Variants in DGKB observed in about 807,000 individuals in gnomAD.
DGKB encodes the protein 90 kDa diacylglycerol kinase.
DGKB carries 67 observed loss-of-function variants against 114.3 expected under a neutral mutation model. The observed-to-expected ratio is 0.59, with a 90% CI of 0.48 to 0.72. The LOEUF is 0.72. Ranked by LOEUF, DGKB falls within the 30% of genes least tolerant of loss-of-function variation. The pLI is 0.00. For synonymous variants in DGKB, 398 were observed against 323.1 expected (o/e 1.23, Z -2.49); for missense variants, 907 against 975.2 (o/e 0.93, Z 0.93).
At chr7:14,774,772 A>G (rs1837912433) in intron 2 of DGKB, among the ~76,000 whole-genome samples, 1 of 152,160 alleles carries the variant, frequency 6.6e-6, no homozygotes, top group African/African-American at 2.4e-5. Context: ...TTAAAAAACA[A>G]TGTGTTATTG....
chr7:14,566,437 T>C (rs1247103126), intron 20 of DGKB, among the ~76,000 whole-genome samples: 2 of 152,204 alleles, frequency 1.3e-5, no homozygotes, highest in African/African-American at 4.8e-5. Context: ...GCCAATTCAA[T>C]TATATTTATA....
chr7:14,516,196 T>C lies in DGKB; in HGVS notation c.1771-37971A>G, dbSNP rs144160066. Among the ~76,000 whole-genome samples, 597 of 152,300 alleles carry C rather than the reference T, an allele frequency of 3.9e-3. 8 individuals are homozygous for C. The highest frequency in any genetic ancestry group is 0.01 in the East Asian group (54 of 5,182). ...TTCATATCTCAAGTAAACTAAACAA[T>C]GTATTACTCTAGTTATGAGTAATAT... On this transcript the variant is annotated intron_variant, in intron 20 of 25. Coordinates refer to ENST00000402815, the MANE Select transcript of DGKB (RefSeq NM_001350709.2).
chr7:14,278,046 T>C lies in DGKB; in HGVS notation c.2122+60469A>G, dbSNP rs569535172. The stretch of plus-strand genomic sequence containing the variant: ...AATGCTGAGAATGTTCTTTGTGAAT[T>C]TGTTGGTCATTTGTATGTCTTCTTT... On this transcript the variant is annotated intron_variant, in intron 23 of 25. Transcript: ENST00000402815. Among the ~76,000 whole-genome samples, 80 of 152,358 alleles carry C rather than the reference T, an allele frequency of 5.3e-4. 1 individual carries two copies. Among genetic ancestry groups the C allele is most frequent in the Non-Finnish European group, 2.1e-4 (14 of 68,038 alleles).
At chr7:14,731,724 A>G (rs886313185) in intron 5 of DGKB, among the ~76,000 whole-genome samples, 1 of 152,138 alleles carries the variant, frequency 6.6e-6, no homozygotes. Context: ...AAAGATTCCA[A>G]CTGATTTTAA....
intron 21 of DGKB, among the ~76,000 whole-genome samples, chr7:14,477,660 T>C (rs576538495): frequency 6.6e-6 from 1 of 152,192 alleles, no homozygotes; most frequent in Non-Finnish European, 1.5e-5. Flanking sequence ...GTTCGTCAAG[T>C]CTTTTCTCCT....
At chr7:14,352,398 T>C (rs1367654894) in intron 21 of DGKB, among the ~76,000 whole-genome samples, 1 of 152,190 alleles carries the variant, frequency 6.6e-6, no homozygotes, top group Non-Finnish European at 1.5e-5. Flanking sequence ...AATTATTTCT[T>C]ACCTAAATGT....
At position 14,580,863 on chromosome 7, in the gene DGKB, T is replaced by G. The variant is rs1204470658; in HGVS notation, c.1608A>C (p.Gly536=). ...CTTTTGTTGTTGCAGCTGCTTTACCTCCTCCCCATCGCAGGCATCTTGCTA... is the reference window on the plus strand; with the variant it reads ...CTTTTGTTGTTGCAGCTGCTTTACCGCCTCCCCATCGCAGGCATCTTGCTA... ...NDLARCLRWG[G]GYEGENLMKI... Residue 536 remains glycine, a splice_region_variant and synonymous_variant, in exon 19 of 26, where the codon GGA becomes GGC. Transcript: ENST00000402815. The G allele has an allele frequency of 6.2e-7, 1 of 1,601,502 alleles. No individual in the cohort carries two copies. Among genetic ancestry groups the G allele is most frequent in the Admixed American group, 1.7e-5 (1 of 59,638 alleles).
chr7:14,667,823 G>A (rs1362249011), intron 13 of DGKB, among the ~76,000 whole-genome samples: 1 of 152,016 alleles, frequency 6.6e-6, no homozygotes, highest in Non-Finnish European at 1.5e-5. Context: ...TTTATTCCGT[G>A]ACAAGAAAGT....
intron 13 of DGKB, among the ~76,000 whole-genome samples, chr7:14,636,059 T>C (rs1208504400): frequency 6.6e-6 from 1 of 151,766 alleles, no homozygotes; most frequent in East Asian, 1.9e-4. Flanking sequence ...TTTGTTCTTG[T>C]CTTTTGCTCC....
intron 20 of DGKB, among the ~76,000 whole-genome samples, chr7:14,491,945 T>G (rs1439303286): frequency 6.6e-6 from 1 of 151,976 alleles, no homozygotes; most frequent in African/African-American, 2.4e-5. Context: ...ATCTCATACC[T>G]CAGTGCTACA....
chr7:14,866,521 A>G (rs1851735489), intron 1 of DGKB, among the ~76,000 whole-genome samples: 1 of 152,138 alleles, frequency 6.6e-6, no homozygotes, highest in Non-Finnish European at 1.5e-5. Context: ...TCACTTAGTA[A>G]TTTGCATTTA....
chr7:14,834,974 G>A (rs1846952991), intron 2 of DGKB, among the ~76,000 whole-genome samples: 1 of 152,128 alleles, frequency 6.6e-6, no homozygotes, highest in Non-Finnish European at 1.5e-5. Flanking sequence ...TGGACACAGA[G>A]AAGCCACCAA....
At chr7:14,769,123 AAGAGAGAG>A (rs756712026) in intron 2 of DGKB, among the ~76,000 whole-genome samples, 6 of 89,172 alleles carry the variant, frequency 6.7e-5, no homozygotes, top group African/African-American at 2.5e-4. Context: ...GAAAGAAAGA[AAGAGAGAG>A]AGAGAAAGAA....
chr7:14,878,025 C>T (rs1853575094), intron 1 of DGKB, among the ~76,000 whole-genome samples: 1 of 151,044 alleles, frequency 6.6e-6, no homozygotes, highest in Admixed American at 6.6e-5. Flanking sequence ...TTTAATTCAT[C>T]GATCTTATGG....
chr7:14,919,095 A>AAACACACACACACACACACACACAC (rs1784392701), intron 1 of DGKB, among the ~76,000 whole-genome samples: 8 of 114,918 alleles, frequency 7.0e-5, no homozygotes, highest in African/African-American at 2.9e-4. Flanking sequence ...CACACACACA[A>AAACACACACACACACACACACACAC]ACACACACAC....
intron 20 of DGKB, among the ~76,000 whole-genome samples, chr7:14,512,380 T>TC (rs1174015880): frequency 6.6e-6 from 1 of 152,270 alleles, no homozygotes; most frequent in African/African-American, 2.4e-5. Flanking sequence ...TCAATGACTA[T>TC]CCAAAGAGTA....
chr7:14,949,106 C>T (rs1475177793), intron 1 of DGKB, among the ~76,000 whole-genome samples: 1 of 151,624 alleles, frequency 6.6e-6, no homozygotes. Context: ...TGAAATTTTG[C>T]AAGCCAAACA....
chr7:14,889,349 G>C (rs1354935795), intron 1 of DGKB, among the ~76,000 whole-genome samples: 2 of 151,658 alleles, frequency 1.3e-5, no homozygotes, highest in African/African-American at 2.4e-5. Flanking sequence ...ATAATCATCT[G>C]AATGGGAGGT....
chr7:14,838,684 T>C, intron 2 of DGKB, among the ~76,000 whole-genome samples: 1 of 152,312 alleles, frequency 6.6e-6, no homozygotes, highest in South Asian at 2.1e-4. Context: ...CCCTACTAAC[T>C]AGTCTCTAGT....
Sources: gnomAD v4.1 joint callset for allele counts (sites outside exome capture counted in the v4.1 genomes callset) on GRCh38, gnomAD v4.1.1 for gene constraint, MANE v1.5 for transcripts, NCBI Gene and HGNC (gene_info 2026-07-23, HGNC 2026-07-21) for gene names.